The following MCHR2 variants were observed in gnomAD, a reference collection of about 807,000 sequenced individuals.
MCHR2 encodes melanin concentrating hormone receptor 2.
In MCHR2, 15 loss-of-function variants were observed where a neutral mutation model predicts 24.8. That is an observed-to-expected ratio of 0.60 (90% CI 0.40 to 0.93). The LOEUF (loss-of-function observed/expected upper bound fraction) is 0.93. Ranked by LOEUF, MCHR2 falls within the 40% of genes least tolerant of loss-of-function variation. MCHR2 has a pLI of 0.00. For synonymous variants in MCHR2, 151 were observed against 147.6 expected, an observed-to-expected ratio of 1.02 and a Z score of -0.17; for missense variants, 386 against 408.7, an observed-to-expected ratio of 0.94 and a Z score of 0.48.
chr6:99,931,346 G>A (rs1562118924), intron 5 of MCHR2, among the ~76,000 whole-genome samples: 1 of 152,190 alleles, frequency 6.6e-6, no homozygotes, highest in Non-Finnish European at 1.5e-5. Context: ...TGTGTGCTGG[G>A]AGAACCACTG....
Position 99,984,667 on chromosome 6 carries a change from G to A in MCHR2, c.-28+9269C>T, listed in dbSNP as rs376946715. Among the ~76,000 whole-genome samples, 10 of 151,988 alleles carry A rather than the reference G, an allele frequency of 6.6e-5. No homozygotes were observed. The South Asian group carries it at 1.9e-3, about 28-fold the overall frequency. On this transcript the variant is annotated intron_variant, in intron 1 of 5. Coordinates refer to ENST00000281806, the MANE Select transcript of MCHR2 (RefSeq NM_001040179.2). ...AAACCTCAAAAAACTAGGCCTAGAA[G>A]GAACTTATCTCAAAATAATGAAGGT...
chr6:99,944,600 C>A (rs1213157583), intron 3 of MCHR2, among the ~76,000 whole-genome samples: 1 of 152,110 alleles, frequency 6.6e-6, no homozygotes, highest in Non-Finnish European at 1.5e-5. Flanking sequence ...CCTCTCTGCA[C>A]ACTGCACATG....
intron 1 of MCHR2, among the ~76,000 whole-genome samples, chr6:99,965,130 G>A (rs769039140): frequency 7.2e-5 from 11 of 152,048 alleles, no homozygotes; most frequent in African/African-American, 9.7e-5. Flanking sequence ...AGTGTTTTAC[G>A]TATGGTTCTG....
chr6:99,960,111 G>C lies in MCHR2; in HGVS notation c.-27-3937C>G, dbSNP rs189483930. ...AAGCAGCAAGAGAAAAATGATTCAA[G>C]GGACTTCCAATACATCTGTTAGTGG... On this transcript the variant is annotated intron_variant, in intron 1 of 5. Transcript: ENST00000281806. Among the ~76,000 whole-genome samples the C allele has an allele frequency of 4.6e-5, 7 of 152,130 alleles. No homozygotes were observed. In the East Asian group the frequency reaches 1.4e-3, roughly 29 times the overall value.
intron 5 of MCHR2, among the ~76,000 whole-genome samples, chr6:99,933,085 C>T (rs1307484962): frequency 2.0e-5 from 3 of 151,788 alleles, no homozygotes; most frequent in Non-Finnish European, 4.4e-5. Context: ...CATATTTAAT[C>T]ATGTTATGTC....
chr6:99,944,009 C>T (rs1562123007), intron 3 of MCHR2, among the ~76,000 whole-genome samples: 1 of 152,180 alleles, frequency 6.6e-6, no homozygotes, highest in Non-Finnish European at 1.5e-5. Flanking sequence ...TGGCTTTATA[C>T]TTAAGTCACC....
chr6:99,982,488 A>AAAAAAAAAAC (rs1775689632), intron 1 of MCHR2, among the ~76,000 whole-genome samples: 1 of 149,100 alleles, frequency 6.7e-6, no homozygotes, highest in Non-Finnish European at 1.5e-5. Context: ...AAAAAAAAAA[A>AAAAAAAAAAC]AAAAGCCAGG....
chr6:99,950,300 A>G (rs1445114773), intron 2 of MCHR2, among the ~76,000 whole-genome samples: 4 of 152,168 alleles, frequency 2.6e-5, no homozygotes, highest in African/African-American at 9.6e-5. Flanking sequence ...AAAAACAATT[A>G]AATAGAAATT....
rs1774624783 is a variant in MCHR2 at position 99,934,838 on chromosome 6, A to G, written c.588-321T>C. Among the ~76,000 whole-genome samples the G allele has an allele frequency of 2.0e-5, 3 of 152,162 alleles. No individual in the cohort carries two copies. In the South Asian group the frequency reaches 6.2e-4, roughly 32 times the overall value. On this transcript the variant is annotated intron_variant, in intron 4 of 5. Transcript: ENST00000281806. Reference sequence around the variant, plus strand: ...CAGTATGTAACATTTATTATATAGTAGGCACTGTTCTAAGCATTTTGTATA... The same window carrying G: ...CAGTATGTAACATTTATTATATAGTGGGCACTGTTCTAAGCATTTTGTATA...
At chr6:99,987,677 C>A (rs1197174180) in intron 1 of MCHR2, among the ~76,000 whole-genome samples, 5 of 151,978 alleles carry the variant, frequency 3.3e-5, no homozygotes, top group Admixed American at 3.3e-4. Context: ...ACACTGAAAG[C>A]AAAAGAGATC....
At chr6:99,962,539 A>G (rs1209743466) in intron 1 of MCHR2, among the ~76,000 whole-genome samples, 1 of 152,122 alleles carries the variant, frequency 6.6e-6, no homozygotes, top group Non-Finnish European at 1.5e-5. Context: ...AAATCTGGAT[A>G]TCTATATGCA....
Position 99,919,734 on chromosome 6 carries a change from GTT to G in MCHR2, c.*1204_*1205del, listed in dbSNP as rs397774561. Among the ~76,000 whole-genome samples, 9 of 140,796 alleles carry G rather than the reference GTT, an allele frequency of 6.4e-5. No homozygotes were observed. In the East Asian group the frequency reaches 1.7e-3, roughly 26 times the overall value. 92.4% of individuals were successfully genotyped at this position (140,796 alleles called of 152,430 possible). On this transcript the variant is annotated 3_prime_UTR_variant, in exon 6 of 6. Transcript: ENST00000281806. ...TCTTGTTTTTTTTTTTGTTTGTTTT[GTT>G]TTTTTTTTTGAGATGACGTCTCACT...
At chr6:99,922,407 C>A (rs1459106285) in intron 5 of MCHR2, among the ~76,000 whole-genome samples, 3 of 152,018 alleles carry the variant, frequency 2.0e-5, no homozygotes, top group African/African-American at 7.2e-5. Context: ...GCGCCCGGAC[C>A]CATTTGTCCA....
At position 99,955,960 on chromosome 6, in the gene MCHR2, C is replaced by T. The variant is rs1453421185; in HGVS notation, c.182+6G>A. The T allele has an allele frequency of 6.5e-7, 1 of 1,534,116 alleles. No homozygotes were observed. Among genetic ancestry groups the T allele is most frequent in the Non-Finnish European group, 8.7e-7 (1 of 1,144,662 alleles). ...GGAAAAAAAAAAAAAAGGAGCCATT[C>T]CTTACCTTATTATAGTGAATACAAT... On this transcript the variant is annotated splice_donor_region_variant and intron_variant, in intron 2 of 5. Transcript: ENST00000281806.
At chr6:99,957,734 G>A (rs947112795) in intron 1 of MCHR2, among the ~76,000 whole-genome samples, 1 of 139,832 alleles carries the variant, frequency 7.2e-6, no homozygotes, top group East Asian at 2.5e-4. Context: ...GAAAAAGAAA[G>A]TTTAAAAGAG....
intron 1 of MCHR2, among the ~76,000 whole-genome samples, chr6:99,988,087 G>A (rs965421075): frequency 6.6e-6 from 1 of 152,166 alleles, no homozygotes; most frequent in African/African-American, 2.4e-5. Flanking sequence ...TTTCTGATTT[G>A]GTTCTCTATG....
At chr6:99,986,509 T>C (rs1775772869) in intron 1 of MCHR2, among the ~76,000 whole-genome samples, 1 of 152,160 alleles carries the variant, frequency 6.6e-6, no homozygotes, top group Non-Finnish European at 1.5e-5. Flanking sequence ...AATGAAATAA[T>C]GTCTTTTATG....
At chr6:99,925,429 G>A (rs1417619682) in intron 5 of MCHR2, among the ~76,000 whole-genome samples, 1 of 151,956 alleles carries the variant, frequency 6.6e-6, no homozygotes, top group Non-Finnish European at 1.5e-5. Flanking sequence ...ACTTACTCCT[G>A]CCATTTTAAA....
At chr6:99,986,228 T>C (rs1175983608) in intron 1 of MCHR2, among the ~76,000 whole-genome samples, 1 of 152,152 alleles carries the variant, frequency 6.6e-6, no homozygotes, top group African/African-American at 2.4e-5. Context: ...TTAGTGGAAA[T>C]GTAAATTAGT....
Sources: allele counts gnomAD v4.1 joint callset (sites outside exome capture counted in the v4.1 genomes callset), GRCh38; gene constraint gnomAD v4.1.1; transcripts MANE v1.5; gene names NCBI Gene and HGNC (gene_info 2026-07-23, HGNC 2026-07-21).